Variants in MED12L observed in about 807,000 individuals in gnomAD.
The protein encoded by MED12L is mediator of RNA polymerase II transcription subunit 12-like protein.
MED12L carries 60 observed loss-of-function variants against 281.3 expected under a neutral mutation model. The observed-to-expected ratio is 0.21, with a 90% CI of 0.17 to 0.26. The LOEUF (loss-of-function observed/expected upper bound fraction) is 0.26, where lower values mean the gene tolerates loss of function less well. Ranked by LOEUF, MED12L falls within the 10% of genes least tolerant of loss-of-function variation. MED12L has a pLI of 1.00. For synonymous variants in MED12L, 974 were observed against 987.2 expected (o/e 0.99, Z 0.25); for missense variants, 2,146 against 2,680.9 (o/e 0.80, Z 4.41).
At chr3:151,288,963 G>A (rs1743907904) in intron 16 of MED12L, among the ~76,000 whole-genome samples, 1 of 152,196 alleles carries the variant, frequency 6.6e-6, no homozygotes, top group South Asian at 2.1e-4. Context: ...TGCACAGGTG[G>A]CAGCAAAGTG....
rs544220803 is a variant in MED12L at position 151,232,737 on chromosome 3, G to A, written c.2250+39071G>A. ...CACTTATAAGTGGGAGCTAAATCAT[G>A]AGAACTCATGGACACAAAGGGAACA... On this transcript the variant is annotated intron_variant, in intron 16 of 44. Coordinates refer to ENST00000687756, the MANE Select transcript of MED12L (RefSeq NM_001393769.1). 2.6e-5 allele frequency among the ~76,000 whole-genome samples: 4 copies of A among 152,294 alleles called. No individual in the cohort carries two copies. The South Asian group carries it at 8.3e-4, about 32-fold the overall frequency.
intron 39 of MED12L, among the ~76,000 whole-genome samples, chr3:151,396,890 AT>A (rs1347032827): frequency 1.3e-5 from 2 of 152,304 alleles, no homozygotes; most frequent in African/African-American, 2.4e-5. Flanking sequence ...TCAGCTAGAA[AT>A]TTTTTTAAAG....
chr3:151,389,964 A>C lies in MED12L; in HGVS notation c.5452-15A>C. 6.2e-7 allele frequency: 1 copy of C among 1,612,640 alleles called. No homozygotes were observed. Among genetic ancestry groups the C allele is most frequent in the South Asian group, 1.1e-5 (1 of 90,936 alleles). ...TGTGGAGTTACGTAACTTTTTAAAAAACTTTATGTTGAAGGAATATCCACA... is the reference window on the plus strand; with the variant it reads ...TGTGGAGTTACGTAACTTTTTAAAACACTTTATGTTGAAGGAATATCCACA... On this transcript the variant is annotated splice_polypyrimidine_tract_variant and intron_variant, in intron 37 of 44. Transcript: ENST00000687756.
intron 16 of MED12L, among the ~76,000 whole-genome samples, chr3:151,229,392 C>CT (rs1731167616): frequency 6.7e-6 from 1 of 148,536 alleles, no homozygotes; most frequent in South Asian, 2.1e-4. Flanking sequence ...ACTGCAACCT[C>CT]GCCTCCCGGG....
At chr3:151,379,375 G>C (rs1711823490) in intron 31 of MED12L, among the ~76,000 whole-genome samples, 2 of 152,202 alleles carry the variant, frequency 1.3e-5, no homozygotes, top group Non-Finnish European at 2.9e-5. Context: ...TAAGAAATTT[G>C]TCTTTCCAAC....
At chr3:151,163,847 T>A (rs1560109346) in intron 8 of MED12L, 46 bp from the exon 9 acceptor site, 14 of 1,585,076 alleles carry the variant, frequency 8.8e-6, no homozygotes, top group Admixed American at 6.9e-5. Flanking sequence ...ATTGTTATGC[T>A]TTTCTCCTTC....
At chr3:151,091,305 C>G (rs1196883404) in intron 2 of MED12L, among the ~76,000 whole-genome samples, 1 of 152,034 alleles carries the variant, frequency 6.6e-6, no homozygotes, top group Non-Finnish European at 1.5e-5. Flanking sequence ...TGCGGATATC[C>G]CAGAGTGGTG....
intron 21 of MED12L, 65 bp downstream of exon 21, chr3:151,360,670 A>G (rs1754496855): frequency 1.4e-6 from 2 of 1,419,292 alleles, no homozygotes; most frequent in Non-Finnish European, 1.9e-6. Context: ...TGACCCTGAC[A>G]ATATTGTCAT....
At chr3:151,357,448 G>A (rs745621444) in intron 20 of MED12L, 72 bp downstream of exon 20, 376 of 1,354,572 alleles carry the variant, frequency 2.8e-4, no homozygotes, top group Non-Finnish European at 3.5e-4. Context: ...TATTATAGTG[G>A]CTTTAAAAGA....
chr3:151,219,879 T>C (rs1728977311), intron 16 of MED12L, among the ~76,000 whole-genome samples: 1 of 118,276 alleles, frequency 8.5e-6, no homozygotes, highest in Non-Finnish European at 1.7e-5. Flanking sequence ...GTTTTGGTTA[T>C]TGGTTTATAT....
At chr3:151,107,161 A>G (rs1722179323) in intron 2 of MED12L, among the ~76,000 whole-genome samples, 2 of 145,944 alleles carry the variant, frequency 1.4e-5, no homozygotes, top group African/African-American at 2.5e-5. Flanking sequence ...CATTTTAGTT[A>G]TACTTATTTG....
chr3:151,412,853 T>C (rs1168356599), intron 41 of MED12L, among the ~76,000 whole-genome samples: 10 of 152,258 alleles, frequency 6.6e-5, no homozygotes, highest in Non-Finnish European at 2.9e-5. Flanking sequence ...CAGTGCCTGC[T>C]TCAAAGTAAA....
intron 16 of MED12L, among the ~76,000 whole-genome samples, chr3:151,209,581 C>T (rs751486286): frequency 3.3e-5 from 5 of 152,100 alleles, no homozygotes; most frequent in Non-Finnish European, 2.9e-5. Context: ...CACACAAACC[C>T]TCACAGTGCT....
chr3:151,115,337 T>A lies in MED12L; in HGVS notation c.100-1001T>A, dbSNP rs1289338747. 1.8e-4 allele frequency among the ~76,000 whole-genome samples: 6 copies of A among 34,146 alleles called. No homozygotes were observed. In the East Asian group the frequency reaches 7.0e-3, roughly 40 times the overall value. 22.4% of individuals were successfully genotyped at this position (34,146 alleles called of 152,430 possible). ...TCTCTGGAAACAATTCTTTTTTTTT[T>A]TTTTTTTTTTTTTTTTTTTTTTTTT... On this transcript the variant is annotated intron_variant, in intron 2 of 44. Transcript: ENST00000687756.
At chr3:151,328,649 A>T in intron 16 of MED12L, 2 of 1,613,932 alleles carry the variant, frequency 1.2e-6, no homozygotes, top group Non-Finnish European at 1.7e-6. Context: ...AAAGGCTATG[A>T]GCCCTAACAG....
intron 2 of MED12L, among the ~76,000 whole-genome samples, chr3:151,089,619 G>A (rs1474772864): frequency 1.3e-5 from 2 of 151,454 alleles, no homozygotes; most frequent in African/African-American, 4.9e-5. Flanking sequence ...TTTCAGAAAA[G>A]GGCTCCCAGA....
chr3:151,149,002 G>A (rs1448141971), intron 5 of MED12L, among the ~76,000 whole-genome samples: 1 of 152,184 alleles, frequency 6.6e-6, no homozygotes, highest in African/African-American at 2.4e-5. Context: ...AACCTTTTAG[G>A]TGTGCAGTGG....
chr3:151,382,353 G>T (rs965209905), intron 32 of MED12L, among the ~76,000 whole-genome samples: 1 of 152,098 alleles, frequency 6.6e-6, no homozygotes, highest in Non-Finnish European at 1.5e-5. Context: ...ATGAGGTAAT[G>T]TATTTTAAAA....
chr3:151,152,085 G>GTTTTTTTTTTTTTTTTTTTTTTTTTTTTT (rs141353889), intron 5 of MED12L, among the ~76,000 whole-genome samples: 2 of 62,984 alleles, frequency 3.2e-5, no homozygotes, highest in African/African-American at 1.3e-4. Flanking sequence ...GTTGAAGGTG[G>GTTTTTTTTTTTTTTTTTTTTTTTTTTTTT]TTTTTTTTTT....
Sources: allele counts gnomAD v4.1 joint callset (sites outside exome capture counted in the v4.1 genomes callset), GRCh38; gene constraint gnomAD v4.1.1; transcripts MANE v1.5; gene names NCBI Gene and HGNC (gene_info 2026-07-23, HGNC 2026-07-21).